ASH2L: variants seen among roughly 807,000 people sequenced by gnomAD.
ASH2L encodes ASH2 like, histone lysine methyltransferase complex subunit.
Under a neutral mutation model 81.1 loss-of-function variants are expected in ASH2L, and 30 were observed. The observed-to-expected ratio is 0.37, with a 90% CI of 0.28 to 0.50. The LOEUF (loss-of-function observed/expected upper bound fraction) is 0.50, where lower values mean the gene tolerates loss of function less well. Ranked by LOEUF, ASH2L falls within the 20% of genes least tolerant of loss-of-function variation. The pLI is 0.95. For synonymous variants in ASH2L, 273 were observed against 279.9 expected (o/e 0.98, Z 0.24); for missense variants, 559 against 792.1 (o/e 0.71, Z 3.53).
intron 13 of ASH2L, among the ~76,000 whole-genome samples, chr8:38,134,255 C>G (rs1802170085): frequency 6.6e-6 from 1 of 151,968 alleles, no homozygotes; most frequent in African/African-American, 2.4e-5. Flanking sequence ...CTGACCTTCC[C>G]TCCACTGTTG....
intron 13 of ASH2L, among the ~76,000 whole-genome samples, chr8:38,135,283 T>C (rs918093758): frequency 6.6e-6 from 1 of 152,016 alleles, no homozygotes; most frequent in Non-Finnish European, 1.5e-5. Flanking sequence ...TCTGTCTCTA[T>C]AAAAAAATTT....
At chr8:38,126,754 TG>T (rs1283239222) in intron 10 of ASH2L, among the ~76,000 whole-genome samples, 2 of 147,834 alleles carry the variant, frequency 1.4e-5, no homozygotes, top group Non-Finnish European at 3.0e-5. Context: ...CTTGGGAGGC[TG>T]AGGCAGGAGA....
chr8:38,123,385 G>A (rs1350042362), intron 10 of ASH2L: 1 of 152,092 alleles, frequency 6.6e-6, no homozygotes, highest in Non-Finnish European at 1.5e-5. Flanking sequence ...AACCCAGCCA[G>A]TTTCAGAATT....
chr8:38,116,615 G>A (rs772698182), intron 7 of ASH2L, 35 bp from the exon 8 acceptor site: 12 of 1,542,704 alleles, frequency 7.8e-6, no homozygotes, highest in Admixed American at 5.4e-5. Flanking sequence ...ACTGACTTAC[G>A]TAGACTCCTT....
At chr8:38,127,549 C>T (rs1801897338) in intron 10 of ASH2L, among the ~76,000 whole-genome samples, 1 of 151,926 alleles carries the variant, frequency 6.6e-6, no homozygotes, top group Non-Finnish European at 1.5e-5. Flanking sequence ...GAATTCGAGA[C>T]CAGCCTGACC....
intron 5 of ASH2L, among the ~76,000 whole-genome samples, chr8:38,113,777 T>A (rs1476737784): frequency 6.6e-6 from 1 of 152,208 alleles, no homozygotes; most frequent in Non-Finnish European, 1.5e-5. Context: ...TATGAGGTAA[T>A]ATACCAAGTT....
At chr8:38,106,506 C>CT (rs112972804) in intron 2 of ASH2L, 62 bp downstream of exon 2, 120,478 of 950,590 alleles carry the variant, frequency 0.13, 481 homozygotes, top group East Asian at 0.25. Flanking sequence ...TCTTCTTCTT[C>CT]TTTTTTTTTT....
intron 10 of ASH2L, among the ~76,000 whole-genome samples, chr8:38,127,900 G>A (rs901731627): frequency 1.3e-5 from 2 of 151,788 alleles, no homozygotes; most frequent in Non-Finnish European, 2.9e-5. Context: ...ACAAAAATGA[G>A]CTGGGCGTGG....
chr8:38,115,344 T>C (rs1458158281), intron 7 of ASH2L, among the ~76,000 whole-genome samples: 1 of 152,254 alleles, frequency 6.6e-6, no homozygotes, highest in Non-Finnish European at 1.5e-5. Context: ...AAAAACTTTC[T>C]TTGTTGTGAA....
intron 5 of ASH2L, 95 bp downstream of exon 5, chr8:38,110,928 T>C (rs1351437107): frequency 5.8e-6 from 6 of 1,033,406 alleles, no homozygotes; most frequent in South Asian, 2.7e-5. Context: ...CCAGTTTTTA[T>C]TGAATATATG....
At chr8:38,109,861 C>G (rs901045605) in intron 3 of ASH2L, among the ~76,000 whole-genome samples, 2 of 152,152 alleles carry the variant, frequency 1.3e-5, no homozygotes, top group African/African-American at 4.8e-5. Flanking sequence ...CTGGCATATT[C>G]TTTTTAGGTA....
intron 2 of ASH2L, 124 bp downstream of exon 2, chr8:38,106,568 C>A (rs1283623425): frequency 3.8e-6 from 3 of 779,684 alleles, no homozygotes; most frequent in Non-Finnish European, 6.0e-6. Context: ...AATGCAGTGG[C>A]GCGATCTCGG....
intron 10 of ASH2L, among the ~76,000 whole-genome samples, chr8:38,126,811 G>A (rs374291408): frequency 1.7e-4 from 24 of 139,748 alleles, no homozygotes; most frequent in East Asian, 6.3e-4. Context: ...CAGAGATCGC[G>A]CCACTGCACT....
chr8:38,113,550 A>G (rs940358044), intron 5 of ASH2L, among the ~76,000 whole-genome samples: 1 of 152,150 alleles, frequency 6.6e-6, no homozygotes, highest in Non-Finnish European at 1.5e-5. Flanking sequence ...CAGTCATGCA[A>G]GCAGGAGTTG....
At chr8:38,132,816 G>T (rs1802112334) in intron 12 of ASH2L, among the ~76,000 whole-genome samples, 2 of 150,260 alleles carry the variant, frequency 1.3e-5, no homozygotes, top group Admixed American at 1.3e-4. Flanking sequence ...AAAAGAATAG[G>T]CTGGGCGCAG....
chr8:38,138,767 T>C, intron 14 of ASH2L, 49 bp from the exon 15 acceptor site: 1 of 1,562,080 alleles, frequency 6.4e-7, no homozygotes, highest in African/African-American at 1.4e-5. Context: ...ACTTTTCCAA[T>C]ATTTTTTGTC....
chr8:38,105,886 C>G (rs752624141), intron 1 of ASH2L, 148 bp downstream of exon 1: 29 of 1,441,914 alleles, frequency 2.0e-5, no homozygotes, highest in Non-Finnish European at 2.4e-5. Flanking sequence ...TTGGCCCGTC[C>G]CCTCTCAAGC....
chr8:38,131,222 C>T (rs1802047816), intron 12 of ASH2L, among the ~76,000 whole-genome samples: 1 of 152,134 alleles, frequency 6.6e-6, no homozygotes, highest in Non-Finnish European at 1.5e-5. Flanking sequence ...CATCCTGCCT[C>T]CCGGAACTCT....
At chr8:38,116,780 G>A in intron 8 of ASH2L, 55 bp downstream of exon 8, 1 of 1,465,742 alleles carries the variant, frequency 6.8e-7, no homozygotes, top group South Asian at 1.2e-5. Context: ...GAATCCAGTT[G>A]TGCCTAGAAC....
Sources: gnomAD v4.1 joint callset for allele counts (sites outside exome capture counted in the v4.1 genomes callset) on GRCh38, gnomAD v4.1.1 for gene constraint, MANE v1.5 for transcripts, NCBI Gene and HGNC (gene_info 2026-07-23, HGNC 2026-07-21) for gene names.